EVA1A: variants seen among roughly 807,000 people sequenced by gnomAD.
EVA1A encodes the protein protein eva-1 homolog A.
In EVA1A, 7 loss-of-function variants were observed where a neutral mutation model predicts 9.8. The observed-to-expected ratio is 0.71, with a 90% CI of 0.41 to 1.34. EVA1A has a LOEUF of 1.34. Ranked by LOEUF, EVA1A falls within the 40% of genes most tolerant of loss-of-function variation. EVA1A has a pLI of 0.01. For missense variants in EVA1A, 206 were observed against 205.9 expected, an observed-to-expected ratio of 1.00 and a Z score of 0.00; for synonymous variants, 90 against 85.6, an observed-to-expected ratio of 1.05 and a Z score of -0.28.
intron 1 of EVA1A, among the ~76,000 whole-genome samples, chr2:75,539,031 T>C (rs1676018429): frequency 6.6e-6 from 1 of 152,216 alleles, no homozygotes; most frequent in South Asian, 2.1e-4. Flanking sequence ...GCATTATTTC[T>C]TGCAACTGCA....
At chr2:75,539,044 T>G (rs1193930029) in intron 1 of EVA1A, among the ~76,000 whole-genome samples, 1 of 152,220 alleles carries the variant, frequency 6.6e-6, no homozygotes, top group Non-Finnish European at 1.5e-5. Flanking sequence ...CAACTGCATA[T>G]ACATTTAAAA....
At chr2:75,497,978 A>G (rs1254405741) in intron 3 of EVA1A, among the ~76,000 whole-genome samples, 2 of 152,114 alleles carry the variant, frequency 1.3e-5, no homozygotes, top group East Asian at 1.9e-4. Context: ...TACTGGGTGT[A>G]TATCTAAAGG....
intron 1 of EVA1A, among the ~76,000 whole-genome samples, chr2:75,530,285 AGGACCAGAT>A (rs1675598087): frequency 6.6e-6 from 1 of 152,200 alleles, no homozygotes; most frequent in African/African-American, 2.4e-5. Flanking sequence ...AAAAAAATCC[AGGACCAGAT>A]GGATTGGCAG....
chr2:75,528,582 A>T lies in EVA1A; in HGVS notation c.-191-6095T>A, dbSNP rs575499293. Among the ~76,000 whole-genome samples the T allele has an allele frequency of 1.2e-4, 19 of 152,242 alleles. No homozygotes were observed. The South Asian group carries it at 3.7e-3, about 30-fold the overall frequency. ...GGAACATAACTCCATTGGCCTGAGA[A>T]CCACTGCCCCGTCCCCCCAGGTGGT... On this transcript the variant is annotated intron_variant, in intron 1 of 3. Coordinates refer to ENST00000393913, the MANE Select transcript of EVA1A (RefSeq NM_001135032.2).
chr2:75,549,342 A>G (rs1375719991), intron 1 of EVA1A, among the ~76,000 whole-genome samples: 1 of 152,166 alleles, frequency 6.6e-6, no homozygotes, highest in Non-Finnish European at 1.5e-5. Context: ...GCCACACAGC[A>G]TCCCAGCCAC....
At chr2:75,548,220 C>A (rs1311231698) in intron 1 of EVA1A, among the ~76,000 whole-genome samples, 1 of 152,360 alleles carries the variant, frequency 6.6e-6, no homozygotes, top group South Asian at 2.1e-4. Flanking sequence ...GCCAGCTCCA[C>A]TTCCTGTGCT....
chr2:75,555,188 A>G (rs574284878), intron 1 of EVA1A, among the ~76,000 whole-genome samples: 2 of 152,308 alleles, frequency 1.3e-5, no homozygotes, highest in African/African-American at 4.8e-5. Flanking sequence ...GGGCTCAAAG[A>G]AAGACTGCAA....
At chr2:75,566,429 C>G (rs951917088) in intron 1 of EVA1A, among the ~76,000 whole-genome samples, 23 of 152,282 alleles carry the variant, frequency 1.5e-4, no homozygotes, top group African/African-American at 5.1e-4. Context: ...GAGCACACGT[C>G]AGTCGTTCAA....
intron 2 of EVA1A, among the ~76,000 whole-genome samples, chr2:75,519,445 T>A (rs995715065): frequency 4.6e-5 from 7 of 152,084 alleles, no homozygotes; most frequent in African/African-American, 1.7e-4. Context: ...TTCAGCAGGC[T>A]TCAGGAAAGA....
upstream of EVA1A, among the ~76,000 whole-genome samples, chr2:75,563,164 T>C (rs1676958466): frequency 6.6e-6 from 1 of 152,222 alleles, no homozygotes; most frequent in Admixed American, 6.5e-5. Context: ...GCAGATACTG[T>C]TGAACCCCCT....
chr2:75,529,943 G>A (rs1675584033), intron 1 of EVA1A, among the ~76,000 whole-genome samples: 1 of 151,974 alleles, frequency 6.6e-6, no homozygotes, highest in Admixed American at 6.6e-5. Flanking sequence ...CAATACAAAA[G>A]ATAAATGAAA....
At chr2:75,498,786 T>C (rs1056917457) in intron 3 of EVA1A, among the ~76,000 whole-genome samples, 8 of 145,590 alleles carry the variant, frequency 5.5e-5, no homozygotes, top group African/African-American at 2.1e-4. Flanking sequence ...ACATTTAAAT[T>C]TGCACCACAC....
intron 1 of EVA1A, among the ~76,000 whole-genome samples, chr2:75,552,160 G>A (rs1007006051): frequency 7.3e-5 from 11 of 150,478 alleles, no homozygotes; most frequent in East Asian, 3.9e-4. Flanking sequence ...GCATGCCAGC[G>A]TGGTCACAAA....
At chr2:75,557,635 G>A in intron 1 of EVA1A, among the ~76,000 whole-genome samples, 1 of 152,192 alleles carries the variant, frequency 6.6e-6, no homozygotes, top group Non-Finnish European at 1.5e-5. Flanking sequence ...TCGACCCCAA[G>A]TCTGCACCTC....
chr2:75,523,715 C>T (rs956633011), intron 1 of EVA1A, among the ~76,000 whole-genome samples: 3 of 152,194 alleles, frequency 2.0e-5, no homozygotes, highest in African/African-American at 7.2e-5. Context: ...GTTGTGAACT[C>T]CGTAAGGGCA....
chr2:75,493,702 C>A, intron 3 of EVA1A, 93 bp from the exon 4 acceptor site: 1 of 1,265,640 alleles, frequency 7.9e-7, no homozygotes, highest in East Asian at 2.5e-5. Flanking sequence ...TCTCACCAGG[C>A]CCCAAAGTTT....
rs769547878 is a variant in EVA1A at position 75,493,602 on chromosome 2, A to T, written c.93T>A (p.Pro31=). Residue 31 remains proline, a synonymous_variant, in exon 4 of 4, where the codon CCT becomes CCA. Coordinates refer to ENST00000393913, the MANE Select transcript of EVA1A (RefSeq NM_001135032.2). Reference sequence around the variant, plus strand: ...AAACAAAGTACAGAGCTGCTCGCTCAGGATTTTCTGGAGGAAGAAGAGGAA... The same window carrying T: ...AAACAAAGTACAGAGCTGCTCGCTCTGGATTTTCTGGAGGAAGAAGAGGAA... The part of the protein sequence containing the change: ...LAAYSFVSEN[P]ERAALYFVSG... 6.3e-7 allele frequency: 1 copy of T among 1,586,046 alleles called. No homozygotes were observed. The highest frequency in any genetic ancestry group is 1.1e-5 in the South Asian group (1 of 87,198).
chr2:75,513,893 G>C (rs1048041968), intron 3 of EVA1A, among the ~76,000 whole-genome samples: 1 of 152,114 alleles, frequency 6.6e-6, no homozygotes, highest in African/African-American at 2.4e-5. Flanking sequence ...TATGTGTTTA[G>C]GCCACCAAGT....
At chr2:75,500,639 T>C (rs1674381381) in intron 3 of EVA1A, among the ~76,000 whole-genome samples, 1 of 152,186 alleles carries the variant, frequency 6.6e-6, no homozygotes, top group South Asian at 2.1e-4. Flanking sequence ...ATACAGAATG[T>C]ACCTCACATC....
Sources: allele counts gnomAD v4.1 joint callset (sites outside exome capture counted in the v4.1 genomes callset), GRCh38; gene constraint gnomAD v4.1.1; transcripts MANE v1.5; gene names NCBI Gene and HGNC (gene_info 2026-07-23, HGNC 2026-07-21).